TMEM135: variants seen among roughly 807,000 people sequenced by gnomAD.
TMEM135 encodes the protein transmembrane protein 135.
Under a neutral mutation model 60.3 loss-of-function variants are expected in TMEM135, and 30 were observed. The observed-to-expected ratio is 0.50, with a 90% CI of 0.37 to 0.68. The LOEUF is 0.68. Ranked by LOEUF, TMEM135 falls within the 30% of genes least tolerant of loss-of-function variation. The probability of loss-of-function intolerance (pLI) is 0.00; values close to 1 mark genes in which losing one functional copy is unlikely to be tolerated. For synonymous variants in TMEM135, 190 were observed against 186.7 expected, an observed-to-expected ratio of 1.02 and a Z score of -0.14; for missense variants, 468 against 548.8, an observed-to-expected ratio of 0.85 and a Z score of 1.47.
chr11:87,263,286 T>C (rs1448264759), intron 6 of TMEM135, among the ~76,000 whole-genome samples: 1 of 152,222 alleles, frequency 6.6e-6, no homozygotes, highest in African/African-American at 2.4e-5. Flanking sequence ...ATACAAGAAC[T>C]GTTACTGTGA....
intron 8 of TMEM135, among the ~76,000 whole-genome samples, 181 bp from the exon 9 acceptor site, chr11:87,305,755 A>T (rs527849450): frequency 6.6e-6 from 1 of 150,904 alleles, no homozygotes; most frequent in South Asian, 2.1e-4. Flanking sequence ...AGCCTGAGGG[A>T]CAAGAGCGAG....
intron 6 of TMEM135, among the ~76,000 whole-genome samples, chr11:87,256,801 G>C (rs979478416): frequency 1.3e-5 from 2 of 151,926 alleles, no homozygotes; most frequent in Non-Finnish European, 2.9e-5. Flanking sequence ...TAGTCTGTTG[G>C]CTATGCCTCT....
At chr11:87,078,902 G>A (rs763523751) in intron 3 of TMEM135, among the ~76,000 whole-genome samples, 5 of 152,102 alleles carry the variant, frequency 3.3e-5, no homozygotes, top group African/African-American at 7.2e-5. Flanking sequence ...GATTACAGGC[G>A]TGAGCCACTG....
At chr11:87,043,975 G>A (rs949219047) in intron 1 of TMEM135, among the ~76,000 whole-genome samples, 2 of 151,992 alleles carry the variant, frequency 1.3e-5, no homozygotes, top group African/African-American at 4.8e-5. Flanking sequence ...CTAGATTAAG[G>A]TACTGGCATT....
chr11:87,041,594 A>G (rs1333540858), intron 1 of TMEM135, among the ~76,000 whole-genome samples: 2 of 152,174 alleles, frequency 1.3e-5, no homozygotes, highest in Non-Finnish European at 2.9e-5. Flanking sequence ...GCAGAAGATG[A>G]TTGTACCCAT....
chr11:87,201,571 A>G (rs1333839499), intron 5 of TMEM135, among the ~76,000 whole-genome samples: 2 of 152,202 alleles, frequency 1.3e-5, no homozygotes, highest in African/African-American at 4.8e-5. Flanking sequence ...GGTAATTTTT[A>G]AGGCCATTTT....
intron 5 of TMEM135, among the ~76,000 whole-genome samples, chr11:87,220,483 C>T (rs1392313380): frequency 3.3e-5 from 5 of 152,104 alleles, no homozygotes; most frequent in Admixed American, 2.0e-4. Flanking sequence ...TTGGATATTG[C>T]GAGAACTTAG....
At chr11:87,086,142 A>G (rs537471024) in intron 3 of TMEM135, among the ~76,000 whole-genome samples, 39 of 152,248 alleles carry the variant, frequency 2.6e-4, no homozygotes, top group African/African-American at 8.7e-4. Flanking sequence ...TATGTCTATA[A>G]TACACTTTTT....
chr11:87,099,845 G>A (rs1171814670), intron 4 of TMEM135, among the ~76,000 whole-genome samples: 1 of 151,878 alleles, frequency 6.6e-6, no homozygotes, highest in African/African-American at 2.4e-5. Flanking sequence ...ACCATGCCTG[G>A]CTAATTTTTG....
In TMEM135 at chr11:87,323,842, A is replaced by G; in HGVS notation, c.*2509A>G. 1 of 452,248 alleles carries G rather than the reference A, an allele frequency of 2.2e-6. No homozygotes were observed. Among genetic ancestry groups the G allele is most frequent in the Non-Finnish European group, 4.4e-6 (1 of 226,382 alleles). 28.0% of individuals were successfully genotyped at this position (452,248 alleles called of 1,614,324 possible). ...CATTTTATTACTCATTTTTGAAGTA[A>G]CACCTTTGGTTTAGTTTTATTTTCC... On this transcript the variant is annotated 3_prime_UTR_variant, in exon 15 of 15. Coordinates refer to ENST00000305494, the MANE Select transcript of TMEM135 (RefSeq NM_022918.4).
intron 5 of TMEM135, among the ~76,000 whole-genome samples, chr11:87,178,058 A>G (rs1939423177): frequency 6.6e-6 from 1 of 152,160 alleles, no homozygotes. Context: ...CTCAGTGTTC[A>G]GAGCTTTTAT....
intron 1 of TMEM135, among the ~76,000 whole-genome samples, chr11:87,064,347 T>C: frequency 6.6e-6 from 1 of 152,092 alleles, no homozygotes; most frequent in Non-Finnish European, 1.5e-5. Context: ...AGTACAGTTC[T>C]TCAAGAGATT....
At chr11:87,133,841 C>A (rs1591045128) in intron 4 of TMEM135, among the ~76,000 whole-genome samples, 1 of 152,044 alleles carries the variant, frequency 6.6e-6, no homozygotes, top group South Asian at 2.1e-4. Context: ...TTTTGAGATT[C>A]ATATATTTTA....
At chr11:87,148,983 T>G (rs901198547) in intron 4 of TMEM135, among the ~76,000 whole-genome samples, 28 of 152,160 alleles carry the variant, frequency 1.8e-4, no homozygotes, top group African/African-American at 6.5e-4. Flanking sequence ...ACAGTTTGCT[T>G]TAAACGTTTT....
chr11:87,245,021 A>C (rs77040820), intron 6 of TMEM135, among the ~76,000 whole-genome samples: 94,279 of 144,598 alleles, frequency 0.65, 31,497 homozygotes, highest in Non-Finnish European at 0.7. Flanking sequence ...CAGTGCTTTG[A>C]ATGTGTCCCA....
At chr11:87,057,348 G>A (rs1166219135) in intron 1 of TMEM135, among the ~76,000 whole-genome samples, 1 of 152,024 alleles carries the variant, frequency 6.6e-6, no homozygotes, top group Non-Finnish European at 1.5e-5. Flanking sequence ...TCATCATTAC[G>A]GAAAACTTTT....
chr11:87,132,549 T>C (rs1456813743), intron 4 of TMEM135, among the ~76,000 whole-genome samples: 1 of 152,182 alleles, frequency 6.6e-6, no homozygotes, highest in African/African-American at 2.4e-5. Flanking sequence ...AATTAAACTT[T>C]GATTTTGAGG....
At chr11:87,293,467 G>A (rs571128263) in intron 6 of TMEM135, among the ~76,000 whole-genome samples, 3 of 151,986 alleles carry the variant, frequency 2.0e-5, no homozygotes, top group Admixed American at 2.0e-4. Context: ...GTGCCATGGT[G>A]GTTTGCTGCA....
intron 1 of TMEM135, among the ~76,000 whole-genome samples, chr11:87,067,065 C>G (rs902936144): frequency 2.9e-4 from 43 of 150,410 alleles, no homozygotes; most frequent in Non-Finnish European, 5.3e-4. Context: ...CAGGTGTGAG[C>G]CACCGCGCCC....
Sources: allele counts gnomAD v4.1 joint callset (sites outside exome capture counted in the v4.1 genomes callset), GRCh38; gene constraint gnomAD v4.1.1; transcripts MANE v1.5; gene names NCBI Gene and HGNC (gene_info 2026-07-23, HGNC 2026-07-21).